KCNIP1: variants seen among roughly 807,000 people sequenced by gnomAD.
KCNIP1 encodes the protein potassium voltage-gated channel interacting protein 1, also known as A-type potassium channel modulatory protein KCNIP1.
In KCNIP1, 18 loss-of-function variants were observed where a neutral mutation model predicts 33.0. That is an observed-to-expected ratio of 0.55 (90% CI 0.38 to 0.81). KCNIP1 has a LOEUF of 0.81. KCNIP1 is among the 30% of genes least tolerant of loss of function. The pLI, the probability that KCNIP1 is intolerant of heterozygous loss-of-function variation, is 0.00. For synonymous variants in KCNIP1, 93 were observed against 98.3 expected, an observed-to-expected ratio of 0.95 and a Z score of 0.32; for missense variants, 238 against 271.6, an observed-to-expected ratio of 0.88 and a Z score of 0.87.
At chr5:170,428,276 C>T (rs1290464807) in intron 1 of KCNIP1, among the ~76,000 whole-genome samples, 3 of 152,174 alleles carry the variant, frequency 2.0e-5, no homozygotes, top group Admixed American at 6.5e-5. Flanking sequence ...GGGTAAGGAA[C>T]GTGACAGCCA....
chr5:170,475,245 C>G lies in KCNIP1; in HGVS notation c.88+121281C>G, dbSNP rs367676386. ...CAGAAGTCCAGCTGGCTTCACCTCT[C>G]AGTGTGACCAACCTCCAAGCTTTTT... On this transcript the variant is annotated intron_variant, in intron 1 of 7. Transcript: ENST00000377360. Among the ~76,000 whole-genome samples the G allele has an allele frequency of 5.1e-4, 78 of 152,370 alleles. 2 individuals are homozygous for G. The South Asian group carries it at 0.015, about 30-fold the overall frequency.
chr5:170,663,550 G>A (rs1338856859), intron 1 of KCNIP1, among the ~76,000 whole-genome samples: 1 of 152,084 alleles, frequency 6.6e-6, no homozygotes, highest in African/African-American at 2.4e-5. Context: ...AAAATGTTCT[G>A]GATTTCTCAT....
chr5:170,426,937 C>G (rs1174115708), intron 1 of KCNIP1, among the ~76,000 whole-genome samples: 1 of 152,166 alleles, frequency 6.6e-6, no homozygotes, highest in East Asian at 1.9e-4. Context: ...AGGACCAGCT[C>G]CACAGGGAGA....
intron 1 of KCNIP1, among the ~76,000 whole-genome samples, chr5:170,634,589 T>C (rs1487504438): frequency 6.6e-6 from 1 of 152,140 alleles, no homozygotes; most frequent in African/African-American, 2.4e-5. Context: ...CAAAACGACA[T>C]GAGCTCTCCC....
chr5:170,712,846 T>G, intron 1 of KCNIP1: 1 of 1,613,876 alleles, frequency 6.2e-7, no homozygotes, highest in Non-Finnish European at 8.5e-7. Flanking sequence ...TTTCTCACTC[T>G]TTCCTAGACA....
At chr5:170,718,909 C>G in intron 2 of KCNIP1, 27 bp downstream of exon 2, 2 of 1,596,102 alleles carry the variant, frequency 1.3e-6, no homozygotes, top group Non-Finnish European at 1.7e-6. Context: ...CTCTGAAGGC[C>G]TGGGGGGGGT....
chr5:170,688,584 G>T (rs1338636991), intron 1 of KCNIP1, among the ~76,000 whole-genome samples: 1 of 152,108 alleles, frequency 6.6e-6, no homozygotes, highest in Non-Finnish European at 1.5e-5. Context: ...GGAATCCAGG[G>T]AGTTCCAACT....
chr5:170,680,292 T>C (rs1762294358), intron 1 of KCNIP1, among the ~76,000 whole-genome samples: 1 of 152,090 alleles, frequency 6.6e-6, no homozygotes, highest in African/African-American at 2.4e-5. Context: ...CAATCCAGTG[T>C]ACGAAGAAGG....
chr5:170,606,861 C>A (rs745607919), intron 1 of KCNIP1, among the ~76,000 whole-genome samples: 3 of 152,174 alleles, frequency 2.0e-5, no homozygotes, highest in African/African-American at 2.4e-5. Context: ...GCTCTGGTTC[C>A]CCTCCACCGA....
intron 1 of KCNIP1, among the ~76,000 whole-genome samples, chr5:170,398,454 A>G (rs1236899826): frequency 6.6e-6 from 1 of 152,230 alleles, no homozygotes; most frequent in East Asian, 1.9e-4. Flanking sequence ...AATTTCACAC[A>G]TAATCACCAA....
At position 170,735,893 on chromosome 5, in the gene KCNIP1, A is replaced by G; in HGVS notation, c.*87A>G. The G allele has an allele frequency of 3.4e-6, 4 of 1,170,760 alleles. No individual in the cohort carries two copies. The highest frequency in any genetic ancestry group is 5.1e-6 in the Non-Finnish European group (4 of 785,004). The allele number at this position is 1,170,760 out of a possible 1,614,324, so 72.5% of individuals were successfully genotyped here. On this transcript the variant is annotated 3_prime_UTR_variant, in exon 8 of 8. Transcript: ENST00000328939. ...TGATCTGCCCTTGTTCTGATTTTACACACCAACTCTTGGGACAGAAACACC... is the reference window on the plus strand; with the variant it reads ...TGATCTGCCCTTGTTCTGATTTTACGCACCAACTCTTGGGACAGAAACACC...
intron 1 of KCNIP1, among the ~76,000 whole-genome samples, chr5:170,672,419 T>A (rs540478485): frequency 3.6e-4 from 55 of 152,380 alleles, no homozygotes; most frequent in African/African-American, 1.3e-3. Flanking sequence ...AAACTGAGGC[T>A]CTGCCCCAGG....
chr5:170,585,158 GA>G (rs58665901), intron 1 of KCNIP1, among the ~76,000 whole-genome samples: 4 of 151,206 alleles, frequency 2.6e-5, no homozygotes, highest in South Asian at 2.1e-4. Context: ...AGAAAAAAAA[GA>G]AAAAAAAATC....
chr5:170,401,411 C>T lies in KCNIP1; in HGVS notation c.88+47447C>T, dbSNP rs116300512. On this transcript the variant is annotated intron_variant, in intron 1 of 7. Coordinates refer to the KCNIP1 transcript ENST00000377360. ...GAGTTCTCAGCAGAGCACCATCTCC[C>T]AGAAGACTCTGTCTCTAAGGAGGGA... Among the ~76,000 whole-genome samples the T allele has an allele frequency of 2.8e-3, 433 of 152,264 alleles. 4 individuals are homozygous for T. Among genetic ancestry groups the T allele is most frequent in the African/African-American group, 9.9e-3 (411 of 41,542 alleles).
chr5:170,653,615 A>G (rs1761141551), intron 1 of KCNIP1, among the ~76,000 whole-genome samples: 1 of 152,068 alleles, frequency 6.6e-6, no homozygotes, highest in African/African-American at 2.4e-5. Context: ...CTAATGGAGG[A>G]TGGCAAGAGG....
chr5:170,428,956 T>C (rs1022731493), intron 1 of KCNIP1, among the ~76,000 whole-genome samples: 1 of 152,024 alleles, frequency 6.6e-6, no homozygotes, highest in African/African-American at 2.4e-5. Context: ...GATACCACCC[T>C]TTCCCATCGT....
chr5:170,678,153 T>C (rs1762212412), intron 1 of KCNIP1, among the ~76,000 whole-genome samples: 1 of 152,242 alleles, frequency 6.6e-6, no homozygotes, highest in South Asian at 2.1e-4. Flanking sequence ...CTGATGGAAC[T>C]GGGATGTGAG....
At chr5:170,465,602 G>A (rs1302174083) in intron 1 of KCNIP1, among the ~76,000 whole-genome samples, 2 of 152,116 alleles carry the variant, frequency 1.3e-5, no homozygotes, top group Non-Finnish European at 2.9e-5. Flanking sequence ...GTCCACTGGT[G>A]GAGTCAGACC....
intron 1 of KCNIP1, among the ~76,000 whole-genome samples, chr5:170,439,689 C>T (rs758836216): frequency 1.3e-5 from 2 of 152,180 alleles, no homozygotes; most frequent in Non-Finnish European, 2.9e-5. Flanking sequence ...ACTCCTGGGT[C>T]GAGCTGCAGG....
Sources: gnomAD v4.1 joint callset for allele counts (sites outside exome capture counted in the v4.1 genomes callset) on GRCh38, gnomAD v4.1.1 for gene constraint, MANE v1.5 for transcripts, NCBI Gene and HGNC (gene_info 2026-07-23, HGNC 2026-07-21) for gene names.